Variants in EXTL1 observed in about 807,000 individuals in gnomAD.
EXTL1 encodes exostosin-like 1.
In EXTL1, 43 loss-of-function variants were observed where a neutral mutation model predicts 64.6. That is an observed-to-expected ratio of 0.67 (90% CI 0.52 to 0.86). The LOEUF is 0.86. Among genes scored for constraint, EXTL1 ranks in the 40% least tolerant of loss-of-function variants. The pLI is 0.00. For synonymous variants in EXTL1, 352 were observed against 360.5 expected, an observed-to-expected ratio of 0.98 and a Z score of 0.27; for missense variants, 766 against 879.0, an observed-to-expected ratio of 0.87 and a Z score of 1.62.
chr1:26,028,818 G>A (rs565098049), intron 1 of EXTL1, among the ~76,000 whole-genome samples: 2 of 152,198 alleles, frequency 1.3e-5, no homozygotes, highest in African/African-American at 4.8e-5. Flanking sequence ...GTGGCCGAGT[G>A]GGGGAGGGCA....
At chr1:26,032,111 C>T in intron 6 of EXTL1, 2 of 370,992 alleles carry the variant, frequency 5.4e-6, no homozygotes, top group South Asian at 5.6e-5. Context: ...GAGGATGGAG[C>T]ATGGAGTCAG....
At position 26,023,010 on chromosome 1, in the gene EXTL1, C is replaced by T. The variant is rs747015639; in HGVS notation, c.364C>T (p.Arg122Cys). The T allele has an allele frequency of 2.7e-5, 44 of 1,614,026 alleles. No individual in the cohort carries two copies. Among genetic ancestry groups the T allele is most frequent in the Admixed American group, 2.3e-4 (14 of 59,998 alleles). The change falls in exon 1 of 11, where the codon CGC (arginine) becomes TGC (cysteine). Residue 122 changes from arginine to cysteine, a missense_variant. Around this residue, in one of 3 missense-constraint regions of EXTL1, gnomAD observed 571 missense variants for 647.6 expected, o/e 0.88. Transcript: ENST00000374280. ...RRILASIEGS[R>C]FYTFSPAGAC... is the part of the protein sequence containing the mutation. ...GATCCTGGCTTCCATTGAGGGCTCT[C>T]GCTTCTACACATTCAGCCCTGCTGG...
At chr1:26,030,957 C>T (rs939442779) in intron 4 of EXTL1, among the ~76,000 whole-genome samples, 175 bp from the exon 5 acceptor site, 6 of 152,160 alleles carry the variant, frequency 3.9e-5, no homozygotes, top group African/African-American at 1.4e-4. Context: ...AAGCAGTGAC[C>T]CTGCCACCAT....
At chr1:26,031,076 G>A in intron 4 of EXTL1, 56 bp from the exon 5 acceptor site, 2 of 1,607,788 alleles carry the variant, frequency 1.2e-6, no homozygotes, top group Non-Finnish European at 1.7e-6. Context: ...TGGAAGGGGA[G>A]GTGTGGCCAT....
At position 26,029,278 on chromosome 1, in the gene EXTL1, G is replaced by C. The variant is rs1442915626; in HGVS notation, c.865G>C (p.Ala289Pro). 1 of 1,613,384 alleles carries C rather than the reference G, an allele frequency of 6.2e-7. No individual in the cohort carries two copies. Among genetic ancestry groups the C allele is most frequent in the African/African-American group, 1.3e-5 (1 of 74,844 alleles). Reference protein sequence around the residue: ...RPEAASRFLQALQAGCIPVLL... With the variant: ...RPEAASRFLQPLQAGCIPVLL... ...CGAGGCTGCCTCGCGCTTCCTCCAA[G>C]CCCTGCAGGTACAACCCCAATTTGA... The change falls in exon 2 of 11, where the codon GCC (alanine) becomes CCC (proline). Residue 289 changes from alanine to proline, a missense_variant. This residue lies in a region of EXTL1 where 571 missense variants were observed against 647.6 expected (regional missense o/e 0.88). Transcript: ENST00000374280.
At chr1:26,028,471 C>T (rs2050241927) in intron 1 of EXTL1, among the ~76,000 whole-genome samples, 1 of 152,210 alleles carries the variant, frequency 6.6e-6, no homozygotes, top group Non-Finnish European at 1.5e-5. Context: ...GTCCTGGTCC[C>T]TCCCTTTATC....
At position 26,025,323 on chromosome 1, in the gene EXTL1, G is replaced by A. The variant is rs892397317; in HGVS notation, c.779+1898G>A. Among the ~76,000 whole-genome samples the A allele has an allele frequency of 6.6e-6, 1 of 152,260 alleles. No individual in the cohort carries two copies. ...GAGAGGAGGAGGCTACATTTGAGGA[G>A]TGCCTGGCTTGGGCCAGGTGCTGTG... On this transcript the variant is annotated intron_variant, in intron 1 of 10. Transcript: ENST00000374280. This position sits in a 1 kb window ranked among gnomAD's most constrained non-coding sequence, Gnocchi z 5.3.
Position 26,035,661 on chromosome 1 carries a change from C to T in EXTL1, c.*314C>T. Reference sequence around the variant, plus strand: ...CAGGGACTTGCCTGGCCCTCCTCCCCCTCCGCCCCCAATGGGTTCGGTCTC... The same window carrying T: ...CAGGGACTTGCCTGGCCCTCCTCCCTCTCCGCCCCCAATGGGTTCGGTCTC... On this transcript the variant is annotated 3_prime_UTR_variant, in exon 11 of 11. Transcript: ENST00000374280. The surrounding 1 kb of genome is among the most constrained non-coding windows in gnomAD (Gnocchi z 5.3). 3.3e-6 allele frequency: 1 copy of T among 303,806 alleles called. No individual in the cohort carries two copies. The highest frequency in any genetic ancestry group is 6.1e-6 in the Non-Finnish European group (1 of 163,824). 18.8% of individuals were successfully genotyped at this position (303,806 alleles called of 1,614,324 possible). A position where few individuals can be genotyped will look rare whatever the true frequency, so the allele number is the denominator to read the frequency against.
In EXTL1 at chr1:26,034,968, G is replaced by T; in HGVS notation, c.1812G>T (p.Val604=). 4 of 1,614,206 alleles carry T rather than the reference G, an allele frequency of 2.5e-6. No homozygotes were observed. The highest frequency in any genetic ancestry group is 3.4e-6 in the Non-Finnish European group (4 of 1,180,038). The change falls in exon 10 of 11, where the codon GTG becomes GTT. Residue 604 remains valine, a synonymous_variant. Transcript: ENST00000374280. This position sits in a 1 kb window ranked among gnomAD's most constrained non-coding sequence, Gnocchi z 4.6. ...TCACCAAGCTGCCCCCTATCAAGGT[G>T]CCCTATGGCAAGCAGCGCCAGGAGG... ...AAVTKLPPIK[V]PYGKQRQEAA...
rs1021169839 is a variant in EXTL1 at position 26,025,512 on chromosome 1, C to T, written c.779+2087C>T. 4.6e-5 allele frequency among the ~76,000 whole-genome samples: 7 copies of T among 152,152 alleles called. No homozygotes were observed. The highest frequency in any genetic ancestry group is 1.3e-4 in the Admixed American group (2 of 15,278). ...TGAGCCCCTCACTTTTCTAATCAGG[C>T]GCTTGGAAGCAGTGGAGTTGGGATT... On this transcript the variant is annotated intron_variant, in intron 1 of 10. Coordinates refer to ENST00000374280, the MANE Select transcript of EXTL1 (RefSeq NM_004455.3). The surrounding 1 kb of genome is among the most constrained non-coding windows in gnomAD (Gnocchi z 5.3).
Position 26,032,417 on chromosome 1 carries a change from G to A in EXTL1, c.1363G>A (p.Glu455Lys). Residue 455 changes from glutamate to lysine, a missense_variant, in exon 7 of 11, where the codon GAG becomes AAG. Glu to Lys is a moderately conservative substitution (Grantham distance 56). Around this residue, in one of 3 missense-constraint regions of EXTL1, gnomAD observed 571 missense variants for 647.6 expected, o/e 0.88. Coordinates refer to ENST00000374280, the MANE Select transcript of EXTL1 (RefSeq NM_004455.3). ...CAQILVLWSN[E>K]RPLPSRWPET... ...CTAGATCTTGGTTCTCTGGAGCAAT[G>A]AGAGGCCACTCCCATCCAGGTGGCC... 1.9e-6 allele frequency: 3 copies of A among 1,556,756 alleles called. No individual in the cohort carries two copies. The highest frequency in any genetic ancestry group is 2.6e-6 in the Non-Finnish European group (3 of 1,149,614).
chr1:26,033,162 C>A lies in EXTL1; in HGVS notation c.1432-67C>A. The A allele has an allele frequency of 8.7e-7, 1 of 1,150,130 alleles. No individual in the cohort carries two copies. The highest frequency in any genetic ancestry group is 1.2e-5 in the South Asian group (1 of 81,478). 71.2% of individuals were successfully genotyped at this position (1,150,130 alleles called of 1,614,324 possible). A position where few individuals can be genotyped will look rare whatever the true frequency, so the allele number is the denominator to read the frequency against. On this transcript the variant is annotated intron_variant, in intron 7 of 10. Transcript: ENST00000374280. The surrounding 1 kb of genome is among the most constrained non-coding windows in gnomAD (Gnocchi z 5.1). The stretch of plus-strand genomic sequence containing the variant: ...GCGTCTACACTGTGCCTGAATGGCT[C>A]CTACTTATTGGATGGGGGTGGGGGG...
chr1:26,022,863 C>T lies in EXTL1; in HGVS notation c.217C>T (p.Gln73Ter). 6.2e-7 allele frequency: 1 copy of T among 1,614,072 alleles called. No homozygotes were observed. The highest frequency in any genetic ancestry group is 2.2e-5 in the East Asian group (1 of 44,884). The change falls in exon 1 of 11, where the codon CAA (glutamine) becomes TAA (stop). Residue 73 changes from glutamine to a stop codon, truncating the protein, a stop_gained. Coordinates refer to ENST00000374280, the MANE Select transcript of EXTL1 (RefSeq NM_004455.3). LOFTEE classifies it high-confidence loss of function. Reference sequence around the variant, plus strand: ...CCCAGAAGATGCCGTTTCACCTCCTCAAGCCCCTCATGGTGGCAGCTGCAA... The same window carrying T: ...CCCAGAAGATGCCGTTTCACCTCCTTAAGCCCCTCATGGTGGCAGCTGCAA... The part of the protein sequence containing the change: ...ELPEDAVSPP[Q>*]APHGGSCNWE...
chr1:26,031,665 T>C, intron 6 of EXTL1, 99 bp downstream of exon 6: 1 of 589,314 alleles, frequency 1.7e-6, no homozygotes. Context: ...GACCACTATT[T>C]GAGGGGAGGC....
chr1:26,031,639 TC>T, intron 6 of EXTL1, 73 bp downstream of exon 6: 1 of 878,472 alleles, frequency 1.1e-6, no homozygotes, highest in Non-Finnish European at 1.6e-6. Context: ...CCTGATGACT[TC>T]CAGACCCCAA....
Position 26,030,463 on chromosome 1 carries a change from C to T in EXTL1, c.982-13C>T. The T allele has an allele frequency of 6.2e-7, 1 of 1,604,994 alleles. No homozygotes were observed. On this transcript the variant is annotated splice_polypyrimidine_tract_variant and intron_variant, in intron 3 of 10. Coordinates refer to ENST00000374280, the MANE Select transcript of EXTL1 (RefSeq NM_004455.3). Reference sequence around the variant, plus strand: ...GCTCTATTACCTGGCACTTTTCTCCCTCTCTGCTCCAGGTCCTGGCTGCCC... The same window carrying T: ...GCTCTATTACCTGGCACTTTTCTCCTTCTCTGCTCCAGGTCCTGGCTGCCC...
chr1:26,029,416 G>A (rs1484037384), intron 2 of EXTL1, 130 bp downstream of exon 2: 2 of 791,948 alleles, frequency 2.5e-6, no homozygotes, highest in East Asian at 5.0e-5. Context: ...ACTCAGGCAT[G>A]CCTGTGTCCC....
intron 3 of EXTL1, 96 bp from the exon 4 acceptor site, chr1:26,030,380 T>G: frequency 1.2e-6 from 1 of 808,050 alleles, no homozygotes; most frequent in Non-Finnish European, 1.9e-6. Context: ...TTGCTCAGGC[T>G]GGAGTGCAGT....
chr1:26,034,831 C>T lies in EXTL1; in HGVS notation c.1680-5C>T. 1 of 1,611,644 alleles carries T rather than the reference C, an allele frequency of 6.2e-7. No individual in the cohort carries two copies. The highest frequency in any genetic ancestry group is 8.5e-7 in the Non-Finnish European group (1 of 1,178,130). ...AGCCTCTCCCTGTCTTTTCCTCTTG[C>T]CCAGGTATTACCACACTCTCTTCAC... is the stretch of plus-strand genomic sequence containing the variant. On this transcript the variant is annotated splice_polypyrimidine_tract_variant and splice_region_variant and intron_variant, in intron 9 of 10. Transcript: ENST00000374280. This position sits in a 1 kb window ranked among gnomAD's most constrained non-coding sequence, Gnocchi z 4.6.
Sources: gnomAD v4.1 joint callset for allele counts (sites outside exome capture counted in the v4.1 genomes callset) on GRCh38, gnomAD v4.1.1 for gene constraint, gnomAD v4.1.1 regional missense constraint, Gnocchi (gnomAD v3.1) non-coding constraint, MANE v1.5 for transcripts, NCBI Gene and HGNC (gene_info 2026-07-23, HGNC 2026-07-21) for gene names.